Variants in NSUN6 observed in about 807,000 individuals in gnomAD.
NSUN6 encodes the protein tRNA (cytosine(72)-C(5))-methyltransferase NSUN6.
Under a neutral mutation model 58.0 loss-of-function variants are expected in NSUN6, and 64 were observed. That is an observed-to-expected ratio of 1.10 (90% CI 0.90 to 1.36). The LOEUF (loss-of-function observed/expected upper bound fraction) is 1.36, where lower values mean the gene tolerates loss of function less well. Among genes scored for constraint, NSUN6 ranks in the 40% most tolerant of loss-of-function variants. The pLI is 0.00. For missense variants in NSUN6, 701 were observed against 550.1 expected (o/e 1.27, Z -2.74); for synonymous variants, 231 against 193.9 (o/e 1.19, Z -1.59).
intron 8 of NSUN6, among the ~76,000 whole-genome samples, chr10:18,562,925 A>AAGAATGGAATGGAATGG (rs1384290866): frequency 7.0e-6 from 1 of 142,708 alleles, no homozygotes; most frequent in Non-Finnish European, 1.6e-5. Context: ...GAATGGAAGG[A>AAGAATGGAATGGAATGG]AGAATGGAAT....
chr10:18,552,695 T>C (rs1200085468), intron 8 of NSUN6, among the ~76,000 whole-genome samples: 1 of 151,156 alleles, frequency 6.6e-6, no homozygotes, highest in South Asian at 2.1e-4. Context: ...CCATTCCCCA[T>C]TCCATTCCAT....
chr10:18,633,567 G>C (rs2059112504), intron 3 of NSUN6, among the ~76,000 whole-genome samples: 1 of 152,060 alleles, frequency 6.6e-6, no homozygotes, highest in Admixed American at 6.6e-5. Flanking sequence ...AGGGTGTGGA[G>C]TCTCTGAACA....
chr10:18,656,641 A>G (rs1413991437), upstream of NSUN6, among the ~76,000 whole-genome samples: 1 of 152,214 alleles, frequency 6.6e-6, no homozygotes, highest in Non-Finnish European at 1.5e-5. Context: ...AGTTTGTAAT[A>G]GTTCCTTTTA....
chr10:18,645,168 A>C (rs1030505422), intron 2 of NSUN6, among the ~76,000 whole-genome samples: 1 of 151,506 alleles, frequency 6.6e-6, no homozygotes, highest in African/African-American at 2.4e-5. Flanking sequence ...AAAAAAAAAA[A>C]AAAAAAAAAA....
chr10:18,566,353 T>C, intron 8 of NSUN6, among the ~76,000 whole-genome samples: 1 of 150,882 alleles, frequency 6.6e-6, no homozygotes, highest in South Asian at 2.1e-4. Flanking sequence ...CATTCCGCAA[T>C]CCATTCCACT....
chr10:18,585,009 A>G (rs527564806), intron 8 of NSUN6, among the ~76,000 whole-genome samples: 5,457 of 149,790 alleles, frequency 0.036, 306 homozygotes, highest in African/African-American at 0.12. Context: ...AAAAAAAAAA[A>G]AGAGAGAGAA....
At chr10:18,599,206 C>CT (rs1564782028) in intron 6 of NSUN6, among the ~76,000 whole-genome samples, 1 of 152,042 alleles carries the variant, frequency 6.6e-6, no homozygotes, top group Non-Finnish European at 1.5e-5. Flanking sequence ...CCTGGCTAAT[C>CT]TTTAAAATTT....
intron 9 of NSUN6, among the ~76,000 whole-genome samples, chr10:18,549,620 T>C (rs544012820): frequency 5.9e-5 from 9 of 152,316 alleles, no homozygotes; most frequent in Admixed American, 2.0e-4. Context: ...CGTCAACATC[T>C]AGAATAGCGT....
intron 2 of NSUN6, among the ~76,000 whole-genome samples, chr10:18,643,612 A>G (rs1343457716): frequency 6.6e-6 from 1 of 152,224 alleles, no homozygotes; most frequent in Non-Finnish European, 1.5e-5. Flanking sequence ...CAAAGGGTCT[A>G]GTTATCCAAC....
In NSUN6 at chr10:18,545,977, T is replaced by G. The variant is rs747446624; in HGVS notation, c.1366A>C (p.Ile456Leu). ...ACAAATTTTGCAATAAAAAAACCTA[T>G]AGAGTCCTTATTAGCCAGACGCAAC... ...DMLRLANKDSIGFFIAKFVKC... is the reference protein window; with the variant it reads ...DMLRLANKDSLGFFIAKFVKC... Residue 456 changes from isoleucine (I) to leucine (L), a missense_variant, in exon 11 of 11, where the codon ATA becomes CTA. Physicochemically the swap from Ile to Leu is conservative, Grantham distance 5. Transcript: ENST00000377304. 1 of 1,584,144 alleles carries G rather than the reference T, an allele frequency of 6.3e-7. No homozygotes were observed. The highest frequency in any genetic ancestry group is 8.5e-7 in the Non-Finnish European group (1 of 1,172,078).
In NSUN6 at chr10:18,614,632, C is replaced by G; in HGVS notation, c.422-19G>C. 1 of 1,266,972 alleles carries G rather than the reference C, an allele frequency of 7.9e-7. No homozygotes were observed. Among genetic ancestry groups the G allele is most frequent in the Non-Finnish European group, 1.1e-6 (1 of 942,044 alleles). The allele number at this position is 1,266,972 out of a possible 1,614,324, so 78.5% of individuals were successfully genotyped here. On this transcript the variant is annotated intron_variant, in intron 4 of 10. Coordinates refer to ENST00000377304, the MANE Select transcript of NSUN6 (RefSeq NM_182543.5). ...TTCATAACTAGAGAAAGAAGAAAATCAGATTACACTGATTTATACTTTGGC... is the reference window on the plus strand; with the variant it reads ...TTCATAACTAGAGAAAGAAGAAAATGAGATTACACTGATTTATACTTTGGC...
At chr10:18,656,410 G>C (rs1360891232), upstream of NSUN6, among the ~76,000 whole-genome samples, 1 of 152,206 alleles carries the variant, frequency 6.6e-6, no homozygotes, top group African/African-American at 2.4e-5. Context: ...GGTGGTGCAT[G>C]CCTGTAATCC....
chr10:18,603,400 T>A (rs144845277), intron 6 of NSUN6, among the ~76,000 whole-genome samples: 24 of 152,334 alleles, frequency 1.6e-4, no homozygotes, highest in Admixed American at 8.5e-4. Flanking sequence ...CTCTGCTCAA[T>A]GGAATGTACA....
chr10:18,630,476 T>C (rs976750071), intron 3 of NSUN6, among the ~76,000 whole-genome samples: 1 of 152,088 alleles, frequency 6.6e-6, no homozygotes, highest in African/African-American at 2.4e-5. Context: ...GCTGGTTTTT[T>C]GAAAGGATCA....
intron 1 of NSUN6, among the ~76,000 whole-genome samples, chr10:18,649,955 C>A (rs914604327): frequency 3.9e-5 from 6 of 152,108 alleles, no homozygotes; most frequent in Non-Finnish European, 8.8e-5. Context: ...ATCTAAAAGG[C>A]ATGGCTTCAA....
At chr10:18,604,667 T>G (rs1264817407) in intron 6 of NSUN6, among the ~76,000 whole-genome samples, 1 of 151,912 alleles carries the variant, frequency 6.6e-6, no homozygotes, top group Non-Finnish European at 1.5e-5. Flanking sequence ...GTGGATCACC[T>G]GAGCTCAGGA....
chr10:18,648,702 C>T, intron 1 of NSUN6, 57 bp from the exon 2 acceptor site: 1 of 941,542 alleles, frequency 1.1e-6, no homozygotes, highest in Non-Finnish European at 1.7e-6. Flanking sequence ...AGCAGAGCAT[C>T]CTTATATATT....
chr10:18,622,883 T>G (rs1208841573), intron 3 of NSUN6, among the ~76,000 whole-genome samples: 1 of 152,228 alleles, frequency 6.6e-6, no homozygotes, highest in Admixed American at 6.5e-5. Context: ...GGAGGAGCAT[T>G]AATTGAGAGA....
At chr10:18,605,494 A>C (rs577486255) in intron 6 of NSUN6, among the ~76,000 whole-genome samples, 196 of 152,334 alleles carry the variant, frequency 1.3e-3, no homozygotes, top group African/African-American at 4.6e-3. Flanking sequence ...TCATCAATGG[A>C]TGCAAAATCG....
Sources: allele counts gnomAD v4.1 joint callset (sites outside exome capture counted in the v4.1 genomes callset), GRCh38; gene constraint gnomAD v4.1.1; transcripts MANE v1.5; gene names NCBI Gene and HGNC (gene_info 2026-07-23, HGNC 2026-07-21).